The following ANO1 variants were observed in gnomAD, a reference collection of about 807,000 sequenced individuals.
ANO1 encodes the protein anoctamin-1.
In ANO1, 59 loss-of-function variants were observed where a neutral mutation model predicts 124.0. The ratio of observed to expected loss-of-function variants is 0.48; its 90% CI spans 0.39 to 0.59. ANO1 has a LOEUF of 0.59. ANO1 is among the 20% of genes least tolerant of loss of function. The pLI is 0.00. For synonymous variants in ANO1, 529 were observed against 532.0 expected, an observed-to-expected ratio of 0.99 and a Z score of 0.08; for missense variants, 1,059 against 1,328.0, an observed-to-expected ratio of 0.80 and a Z score of 3.15.
chr11:70,148,911 T>A (rs558793100), intron 11 of ANO1, among the ~76,000 whole-genome samples: 1 of 152,288 alleles, frequency 6.6e-6, no homozygotes, highest in South Asian at 2.1e-4. Context: ...CGAGAGGAGC[T>A]GGGTTTTTCT....
chr11:70,040,803 A>G (rs1468332672), intron 1 of ANO1, among the ~76,000 whole-genome samples: 3 of 152,254 alleles, frequency 2.0e-5, no homozygotes, highest in African/African-American at 7.2e-5. Context: ...TGGAAAGGAG[A>G]CTATGAAGCC....
At chr11:70,170,691 C>T (rs1230443465) in intron 21 of ANO1, among the ~76,000 whole-genome samples, 196 bp from the exon 22 acceptor site, 1 of 152,214 alleles carries the variant, frequency 6.6e-6, no homozygotes, top group Non-Finnish European at 1.5e-5. Flanking sequence ...CACTCCTGGC[C>T]TGGAGGTCAC....
At chr11:70,131,025 C>T (rs955153803) in intron 10 of ANO1, among the ~76,000 whole-genome samples, 3 of 152,208 alleles carry the variant, frequency 2.0e-5, no homozygotes, top group African/African-American at 4.8e-5. Context: ...CACTGTTTTC[C>T]AAGGCCTTAT....
At position 70,090,914 on chromosome 11, in the gene ANO1, C is replaced by A. The variant is rs1295962165; in HGVS notation, c.441+2830C>A. Reference sequence around the variant, plus strand: ...TTCAAAGGGCTGAAGTTGAGATGTTCCCACATCCCTGCTGGAGCCTCTCAA... The same window carrying A: ...TTCAAAGGGCTGAAGTTGAGATGTTACCACATCCCTGCTGGAGCCTCTCAA... On this transcript the variant is annotated intron_variant, in intron 2 of 25. Transcript: ENST00000355303. Among the ~76,000 whole-genome samples the A allele has an allele frequency of 2.6e-5, 4 of 152,318 alleles. No homozygotes were observed. The East Asian group carries it at 7.7e-4, about 29-fold the overall frequency.
intron 7 of ANO1, among the ~76,000 whole-genome samples, chr11:70,113,936 C>T (rs753913012): frequency 8.5e-5 from 13 of 152,154 alleles, no homozygotes; most frequent in Non-Finnish European, 1.8e-4. Flanking sequence ...CTCGCTGTGT[C>T]CCCACCTCAT....
At chr11:70,086,039 T>C (rs2515283) in intron 1 of ANO1, among the ~76,000 whole-genome samples, 134,094 of 152,248 alleles carry the variant, frequency 0.88, 59,267 homozygotes, top group Non-Finnish European at 0.92. Flanking sequence ...TGGCGCAGCA[T>C]GCCGTCCCTG....
At position 70,023,968 on chromosome 11, in the gene ANO1, G is replaced by C. The variant is rs182915445; in HGVS notation, c.58+37802G>C. Reference sequence around the variant, plus strand: ...ACCAATACTATCCAGGATTGCTTGGGTTGTAAAAGACAGAAAACCCAAGAC... The same window carrying C: ...ACCAATACTATCCAGGATTGCTTGGCTTGTAAAAGACAGAAAACCCAAGAC... On this transcript the variant is annotated intron_variant, in intron 1 of 27. Transcript: ENST00000531349. Among the ~76,000 whole-genome samples, 961 of 152,340 alleles carry C rather than the reference G, an allele frequency of 6.3e-3. 33 individuals are homozygous for C. Among genetic ancestry groups the C allele is most frequent in the Admixed American group, 0.06 (916 of 15,292 alleles).
chr11:70,174,867 TAAAGA>T (rs1406787997), intron 22 of ANO1, among the ~76,000 whole-genome samples: 2 of 150,518 alleles, frequency 1.3e-5, no homozygotes, highest in Non-Finnish European at 3.0e-5. Flanking sequence ...CCCATGGCAG[TAAAGA>T]AAAGAGTGCC....
chr11:70,168,399 C>A (rs974904119), intron 21 of ANO1, among the ~76,000 whole-genome samples: 1 of 152,076 alleles, frequency 6.6e-6, no homozygotes, highest in South Asian at 2.1e-4. Context: ...GGCAGCCCCT[C>A]CCCGACACGG....
chr11:70,120,137 T>A (rs2046198417), intron 8 of ANO1, among the ~76,000 whole-genome samples: 1 of 152,116 alleles, frequency 6.6e-6, no homozygotes, highest in African/African-American at 2.4e-5. Context: ...GAAATGAAAG[T>A]GCAGCCAAGG....
Position 70,124,347 on chromosome 11 carries a change from C to T in ANO1, c.898-3C>T, listed in dbSNP as rs2046404086. ...ACCAACCCCACTGCTTCCTCCCCCT[C>T]AGCTCCTGTACGAAGAGTGGGCACG... is the stretch of plus-strand genomic sequence containing the variant. On this transcript the variant is annotated splice_region_variant and splice_polypyrimidine_tract_variant and intron_variant, in intron 8 of 25. Coordinates refer to ENST00000355303, the MANE Select transcript of ANO1 (RefSeq NM_018043.7). 1 of 1,613,876 alleles carries T rather than the reference C, an allele frequency of 6.2e-7. No individual in the cohort carries two copies. The highest frequency in any genetic ancestry group is 8.5e-7 in the Non-Finnish European group (1 of 1,179,886).
chr11:70,023,848 G>T (rs1253869822), intron 1 of ANO1, among the ~76,000 whole-genome samples: 1 of 152,196 alleles, frequency 6.6e-6, no homozygotes, highest in Non-Finnish European at 1.5e-5. Flanking sequence ...GGATGGGGAA[G>T]AAGACTGGCC....
At chr11:69,966,740 C>T in the ANO1 span, among the ~76,000 whole-genome samples, 17,668 of 152,210 alleles carry the variant, frequency 0.12, 1,234 homozygotes, top group African/African-American at 0.19. Context: ...CCAGCCTGCC[C>T]CCTGGGACCC....
chr11:70,089,999 G>T (rs200295330), intron 2 of ANO1, among the ~76,000 whole-genome samples: 14 of 1,728 alleles, frequency 8.1e-3, no homozygotes, highest in African/African-American at 0.016. Context: ...GGGTTTGTTT[G>T]TTTGTTTGTT....
At chr11:69,990,673 C>T (rs1856136639) in intron 1 of ANO1, among the ~76,000 whole-genome samples, 1 of 152,204 alleles carries the variant, frequency 6.6e-6, no homozygotes, top group Admixed American at 6.5e-5. Flanking sequence ...TGTTTAATTA[C>T]AGCAATCCTG....
At chr11:70,154,260 C>T (rs1378433667) in intron 14 of ANO1, among the ~76,000 whole-genome samples, 1 of 151,934 alleles carries the variant, frequency 6.6e-6, no homozygotes, top group East Asian at 1.9e-4. Context: ...CAGGACAAAC[C>T]CCTGGGTTTG....
intron 1 of ANO1, among the ~76,000 whole-genome samples, chr11:70,023,111 C>T (rs1472510244): frequency 6.6e-6 from 1 of 152,196 alleles, no homozygotes; most frequent in Non-Finnish European, 1.5e-5. Flanking sequence ...CCAGTGAGAT[C>T]CATGCCGGAC....
At chr11:70,108,530 G>A (rs368162367) in intron 6 of ANO1, 126 bp downstream of exon 6, 1 of 1,074,102 alleles carries the variant, frequency 9.3e-7, no homozygotes, top group African/African-American at 1.6e-5. Flanking sequence ...TTAAGCCTGT[G>A]TAACAGTTCC....
At chr11:70,165,641 G>A (rs1027434836) in intron 20 of ANO1, 71 bp downstream of exon 20, 13 of 1,317,002 alleles carry the variant, frequency 9.9e-6, no homozygotes, top group Non-Finnish European at 1.4e-5. Flanking sequence ...TGGCTCCTGC[G>A]GGGGTCTGGG....
Sources: gnomAD v4.1 joint callset for allele counts (sites outside exome capture counted in the v4.1 genomes callset) on GRCh38, gnomAD v4.1.1 for gene constraint, MANE v1.5 for transcripts, NCBI Gene and HGNC (gene_info 2026-07-23, HGNC 2026-07-21) for gene names.